Variants in VRK2 observed in about 807,000 individuals in gnomAD.
VRK2 encodes the protein serine/threonine-protein kinase VRK2.
Under a neutral mutation model 57.6 loss-of-function variants are expected in VRK2, and 60 were observed. That is an observed-to-expected ratio of 1.04 (90% confidence interval 0.85 to 1.29). The LOEUF is 1.29. Ranked by LOEUF, VRK2 falls within the 50% of genes most tolerant of loss-of-function variation. The probability of loss-of-function intolerance (pLI) is 0.00; values close to 1 mark genes in which losing one functional copy is unlikely to be tolerated. For synonymous variants in VRK2, 231 were observed against 199.2 expected, an observed-to-expected ratio of 1.16 and a Z score of -1.35; for missense variants, 705 against 588.1, an observed-to-expected ratio of 1.20 and a Z score of -2.06.
intron 4 of VRK2, among the ~76,000 whole-genome samples, chr2:58,086,069 T>C (rs1442347519): frequency 1.3e-5 from 2 of 151,578 alleles, no homozygotes; most frequent in East Asian, 3.9e-4. Context: ...AATGAATTCT[T>C]TTTATAGATT....
At chr2:58,035,493 T>C (rs144282124) in intron 3 of VRK2, among the ~76,000 whole-genome samples, 22 of 152,144 alleles carry the variant, frequency 1.4e-4, no homozygotes, top group African/African-American at 3.4e-4. Flanking sequence ...TAACAGATTG[T>C]CCAGATAGTT....
chr2:57,918,851 C>T (rs1222034781), intron 1 of VRK2, among the ~76,000 whole-genome samples: 4 of 152,070 alleles, frequency 2.6e-5, no homozygotes, highest in Non-Finnish European at 5.9e-5. Context: ...TAATCCTGAT[C>T]CTTCTTGATA....
At chr2:58,102,856 T>C (rs1328961280) in intron 7 of VRK2, among the ~76,000 whole-genome samples, 1 of 151,638 alleles carries the variant, frequency 6.6e-6, no homozygotes, top group Non-Finnish European at 1.5e-5. Context: ...CCTCAATACA[T>C]TTTAAAAAAT....
intron 1 of VRK2, among the ~76,000 whole-genome samples, chr2:58,019,573 T>C (rs1014834459): frequency 1.3e-5 from 2 of 152,208 alleles, no homozygotes; most frequent in Non-Finnish European, 2.9e-5. Context: ...AGCATTCCAG[T>C]TATTTTAGAA....
intron 12 of VRK2, among the ~76,000 whole-genome samples, chr2:58,151,677 C>G (rs1334434472): frequency 8.3e-6 from 1 of 121,180 alleles, no homozygotes; most frequent in East Asian, 2.6e-4. Flanking sequence ...TTACCTCCCT[C>G]TTGCTTTATT....
intron 12 of VRK2, among the ~76,000 whole-genome samples, chr2:58,155,167 T>C (rs891559208): frequency 6.6e-6 from 1 of 152,220 alleles, no homozygotes; most frequent in Admixed American, 6.5e-5. Context: ...TACTGATTTA[T>C]TTTATATTCC....
intron 3 of VRK2, among the ~76,000 whole-genome samples, chr2:58,037,775 T>A (rs536298264): frequency 6.6e-6 from 1 of 152,084 alleles, no homozygotes; most frequent in Non-Finnish European, 1.5e-5. Flanking sequence ...CAGAAAATGA[T>A]CAAACTGAGT....
Position 58,159,726 on chromosome 2 carries a change from TAA to T in VRK2, c.*34_*35del. ...ACCAAAATTCCTTTTGATAATTTTT[TAA>T]GTTTCCAGCTCTTCACCGAAATGTT... On this transcript the variant is annotated 3_prime_UTR_variant, in exon 13 of 13. Transcript: ENST00000340157. 6.2e-7 allele frequency: 1 copy of T among 1,612,416 alleles called. No homozygotes were observed. Among genetic ancestry groups the T allele is most frequent in the Non-Finnish European group, 8.5e-7 (1 of 1,179,496 alleles).
chr2:58,026,958 G>A (rs993296910), intron 2 of VRK2: 1 of 151,520 alleles, frequency 6.6e-6, no homozygotes. Context: ...TAAACTCCTG[G>A]GCTCACGTGA....
intron 1 of VRK2, among the ~76,000 whole-genome samples, chr2:57,967,645 C>T (rs1168561508): frequency 1.3e-5 from 2 of 151,660 alleles, no homozygotes; most frequent in Non-Finnish European, 2.9e-5. Context: ...GTGTTTTACT[C>T]TACCAATGCT....
chr2:58,145,308 T>A (rs1342303219), intron 11 of VRK2, among the ~76,000 whole-genome samples: 4 of 151,972 alleles, frequency 2.6e-5, no homozygotes, highest in Admixed American at 2.0e-4. Flanking sequence ...CTGATACTGG[T>A]ACACAGTATT....
At chr2:58,155,396 TAC>T (rs1454058382) in intron 12 of VRK2, among the ~76,000 whole-genome samples, 1 of 152,128 alleles carries the variant, frequency 6.6e-6, no homozygotes, top group Non-Finnish European at 1.5e-5. Context: ...CTACGGTCTC[TAC>T]AGTGTCTGGT....
chr2:58,081,864 GTGTGTGTGT>G (rs1294997867), intron 2 of VRK2, among the ~76,000 whole-genome samples: 2 of 102,928 alleles, frequency 1.9e-5, no homozygotes, highest in African/African-American at 1.7e-4. Flanking sequence ...GTCCGTGTGT[GTGTGTGTGT>G]GTGTGTGTGT....
chr2:58,078,703 G>A (rs771292986), intron 2 of VRK2, among the ~76,000 whole-genome samples: 2 of 152,006 alleles, frequency 1.3e-5, no homozygotes, highest in Non-Finnish European at 2.9e-5. Context: ...TTTTATAGTA[G>A]CCATCCTAAT....
chr2:58,135,144 G>A lies in VRK2; in HGVS notation c.801G>A (p.Leu267=), dbSNP rs1270304902. 1.2e-6 allele frequency: 2 copies of A among 1,614,072 alleles called. No homozygotes were observed. Among genetic ancestry groups the A allele is most frequent in the Non-Finnish European group, 1.7e-6 (2 of 1,179,990 alleles). The stretch of plus-strand genomic sequence containing the variant: ...GCATTACCTTATTTTGTTTTAGTCT[G>A]TTGGACGAGCTCCCCCAGTCAGTGC... ...PVAVQTAKTN[L]LDELPQSVLK... The change falls in exon 10 of 13, where the codon CTG becomes CTA. Residue 267 remains leucine, a synonymous_variant. Transcript: ENST00000340157.
chr2:57,912,619 G>T (rs1267244300), intron 1 of VRK2, among the ~76,000 whole-genome samples: 1 of 152,100 alleles, frequency 6.6e-6, no homozygotes, highest in Non-Finnish European at 1.5e-5. Context: ...TGTATAAAGA[G>T]TTTCTTATGG....
At chr2:58,136,932 CAT>C (rs1271899305) in intron 10 of VRK2, among the ~76,000 whole-genome samples, 34 of 126,604 alleles carry the variant, frequency 2.7e-4, no homozygotes, top group South Asian at 1.4e-3. Flanking sequence ...GTGTATATAT[CAT>C]ATATATTATA....
At chr2:58,017,597 T>C (rs1205283128) in intron 1 of VRK2, among the ~76,000 whole-genome samples, 2 of 152,236 alleles carry the variant, frequency 1.3e-5, no homozygotes, top group African/African-American at 4.8e-5. Context: ...CTCTGATCAA[T>C]TCCTTGGCAC....
chr2:58,115,917 G>A, intron 7 of VRK2, among the ~76,000 whole-genome samples: 1 of 152,218 alleles, frequency 6.6e-6, no homozygotes, highest in Non-Finnish European at 1.5e-5. Context: ...ATCCAGAACA[G>A]AATAATGGAT....
Sources: allele counts gnomAD v4.1 joint callset (sites outside exome capture counted in the v4.1 genomes callset), GRCh38; gene constraint gnomAD v4.1.1; transcripts MANE v1.5; gene names NCBI Gene and HGNC (gene_info 2026-07-23, HGNC 2026-07-21).